Variants in SEC23A observed in about 807,000 individuals in gnomAD.
The protein encoded by SEC23A is SEC23 homolog A, COPII component.
SEC23A carries 56 observed loss-of-function variants against 103.7 expected under a neutral mutation model. The ratio of observed to expected loss-of-function variants is 0.54; its 90% CI spans 0.44 to 0.67. SEC23A has a LOEUF of 0.67. Among genes scored for constraint, SEC23A ranks in the 30% least tolerant of loss-of-function variants. The pLI is 0.00. For synonymous variants in SEC23A, 281 were observed against 293.0 expected, an observed-to-expected ratio of 0.96 and a Z score of 0.42; for missense variants, 784 against 936.4, an observed-to-expected ratio of 0.84 and a Z score of 2.12.
At chr14:39,037,931 T>C (rs989532922) in intron 19 of SEC23A, among the ~76,000 whole-genome samples, 1 of 152,216 alleles carries the variant, frequency 6.6e-6, no homozygotes, top group Non-Finnish European at 1.5e-5. Context: ...TTCGTAAATA[T>C]ACTTTCAACC....
intron 7 of SEC23A, among the ~76,000 whole-genome samples, chr14:39,080,036 G>GA (rs1298466594): frequency 2.0e-5 from 3 of 151,922 alleles, no homozygotes; most frequent in Non-Finnish European, 2.9e-5. Context: ...ATGTAAAGCT[G>GA]AAAAAATGAA....
intron 13 of SEC23A, among the ~76,000 whole-genome samples, 182 bp downstream of exon 13, chr14:39,061,583 T>TA (rs1464078423): frequency 1.3e-5 from 2 of 152,176 alleles, no homozygotes; most frequent in Non-Finnish European, 2.9e-5. Flanking sequence ...AAATTGCTCT[T>TA]ACGGTTCTTA....
chr14:39,066,447 T>C (rs1886669587), intron 10 of SEC23A, among the ~76,000 whole-genome samples: 1 of 151,564 alleles, frequency 6.6e-6, no homozygotes, highest in Admixed American at 6.6e-5. Context: ...AAACAATTAC[T>C]GATTATCCGA....
intron 12 of SEC23A, 118 bp from the exon 13 acceptor site, chr14:39,061,989 C>G: frequency 1.4e-6 from 1 of 724,892 alleles, no homozygotes; most frequent in Non-Finnish European, 2.5e-6. Context: ...TAGAAGGATA[C>G]TTATTTCCAG....
intron 17 of SEC23A, chr14:39,041,408 GC>G (rs1409648765): frequency 3.4e-4 from 3 of 8,816 alleles, no homozygotes; most frequent in Admixed American, 1.7e-3. Flanking sequence ...CAAAGAAAAA[GC>G]AAAAAAAAAA....
chr14:39,100,127 C>T (rs1394348357), intron 1 of SEC23A, among the ~76,000 whole-genome samples: 1 of 152,204 alleles, frequency 6.6e-6, no homozygotes. Context: ...CTCTTCTTCA[C>T]ATTTTTTCCT....
chr14:39,051,855 C>A (rs1041888486), intron 14 of SEC23A, among the ~76,000 whole-genome samples: 1 of 151,900 alleles, frequency 6.6e-6, no homozygotes, highest in African/African-American at 2.4e-5. Flanking sequence ...GTTATCCCAG[C>A]TACTTGGGAG....
intron 7 of SEC23A, among the ~76,000 whole-genome samples, chr14:39,084,891 G>T (rs1296992668): frequency 6.6e-6 from 1 of 152,010 alleles, no homozygotes; most frequent in African/African-American, 2.4e-5. Flanking sequence ...TGCTAGTCTC[G>T]AACTCCAGAC....
At chr14:39,062,847 T>C (rs62001136) in intron 12 of SEC23A, among the ~76,000 whole-genome samples, 1 of 152,142 alleles carries the variant, frequency 6.6e-6, no homozygotes, top group Non-Finnish European at 1.5e-5. Context: ...TGATTAATTA[T>C]CTCCTGTGGC....
chr14:39,098,088 CA>C (rs796178094), intron 1 of SEC23A, among the ~76,000 whole-genome samples: 2,670 of 135,546 alleles, frequency 0.02, 92 homozygotes, highest in African/African-American at 0.068. Context: ...GACTCCATCT[CA>C]AAAAAAAAAA....
intron 14 of SEC23A, among the ~76,000 whole-genome samples, chr14:39,053,299 A>G (rs534854745): frequency 5.3e-5 from 8 of 152,360 alleles, no homozygotes; most frequent in East Asian, 1.9e-4. Flanking sequence ...ACAGGTTTCA[A>G]TGATGTCATG....
chr14:39,067,227 G>T lies in SEC23A; in HGVS notation c.1173C>A (p.Thr391=). ...LFKQTFQRVF[T]KDMHGQFKMG... is the part of the protein sequence containing the mutation. ...TTTTAAACTGTCCATGCATGTCTTT[G>T]GTAAAGACTCTTTGAAAAGTTTGTT... Residue 391 remains threonine, a synonymous_variant, in exon 10 of 20, where the codon ACC becomes ACA. Transcript: ENST00000307712. The T allele has an allele frequency of 6.2e-7, 1 of 1,613,432 alleles. No individual in the cohort carries two copies. The highest frequency in any genetic ancestry group is 8.5e-7 in the Non-Finnish European group (1 of 1,179,670).
chr14:39,102,862 G>A (rs972758623), intron 1 of SEC23A, among the ~76,000 whole-genome samples, 170 bp downstream of exon 1: 1 of 152,166 alleles, frequency 6.6e-6, no homozygotes, highest in Non-Finnish European at 1.5e-5. Context: ...AGAGCGAAGT[G>A]GGTGAGAGGG....
At chr14:39,043,975 C>G (rs7152746) in intron 16 of SEC23A, among the ~76,000 whole-genome samples, 31,781 of 151,964 alleles carry the variant, frequency 0.21, 3,857 homozygotes, top group Middle Eastern at 0.34. Context: ...TCACCAGGAG[C>G]AGAGAAATGG....
intron 9 of SEC23A, among the ~76,000 whole-genome samples, chr14:39,071,779 G>A (rs28810420): frequency 0.23 from 35,230 of 150,162 alleles, 4,552 homozygotes; most frequent in Middle Eastern, 0.37. Context: ...CAGGAGAATC[G>A]CTTGAACCTG....
At chr14:39,102,848 C>G (rs1888162846) in intron 1 of SEC23A, among the ~76,000 whole-genome samples, 184 bp downstream of exon 1, 1 of 152,190 alleles carries the variant, frequency 6.6e-6, no homozygotes, top group Non-Finnish European at 1.5e-5. Context: ...CCCCCGGCCC[C>G]GGCAGAGCGA....
At chr14:39,053,088 T>C (rs1407640407) in intron 14 of SEC23A, among the ~76,000 whole-genome samples, 1 of 152,182 alleles carries the variant, frequency 6.6e-6, no homozygotes, top group East Asian at 1.9e-4. Flanking sequence ...TGAGCCAAGG[T>C]TGCACCACTG....
chr14:39,088,345 C>T (rs946956758), intron 5 of SEC23A: 1 of 152,168 alleles, frequency 6.6e-6, no homozygotes, highest in African/African-American at 2.4e-5. Flanking sequence ...AGCTGTAATC[C>T]CAGTATTTTG....
In SEC23A at chr14:39,070,130, C is replaced by T. The variant is rs146708041; in HGVS notation, c.1104-2834G>A. ...AGAATATATCCATTGCGAAATTATACGGAAGAGCCCTGCGCTAGAAGATAA... is the reference window on the plus strand; with the variant it reads ...AGAATATATCCATTGCGAAATTATATGGAAGAGCCCTGCGCTAGAAGATAA... On this transcript the variant is annotated intron_variant, in intron 9 of 19. Transcript: ENST00000307712. Among the ~76,000 whole-genome samples, 109 of 152,324 alleles carry T rather than the reference C, an allele frequency of 7.2e-4. 1 individual carries two copies. The highest frequency in any genetic ancestry group is 2.5e-3 in the African/African-American group (103 of 41,586).
Sources: gnomAD v4.1 joint callset for allele counts (sites outside exome capture counted in the v4.1 genomes callset) on GRCh38, gnomAD v4.1.1 for gene constraint, MANE v1.5 for transcripts, NCBI Gene and HGNC (gene_info 2026-07-23, HGNC 2026-07-21) for gene names.